RGS9: variants seen among roughly 807,000 people sequenced by gnomAD.
The protein encoded by RGS9 is regulator of G-protein signalling 9.
In RGS9, 78 loss-of-function variants were observed where a neutral mutation model predicts 102.0. The ratio of observed to expected loss-of-function variants is 0.76; its 90% CI spans 0.64 to 0.92. The LOEUF (loss-of-function observed/expected upper bound fraction) is 0.92, where lower values mean the gene tolerates loss of function less well. Ranked by LOEUF, RGS9 falls within the 40% of genes least tolerant of loss-of-function variation. RGS9 has a pLI of 0.00. For synonymous variants in RGS9, 353 were observed against 318.6 expected, an observed-to-expected ratio of 1.11 and a Z score of -1.15; for missense variants, 833 against 866.1, an observed-to-expected ratio of 0.96 and a Z score of 0.48.
At chr17:65,163,188 T>A (rs1425387310) in intron 7 of RGS9, 99 bp downstream of exon 7, 3 of 598,242 alleles carry the variant, frequency 5.0e-6, no homozygotes, top group Admixed American at 3.7e-5. Context: ...TTTTATTTTT[T>A]TTTTGAGACA....
At chr17:65,163,875 AAG>A (rs1343252468) in intron 7 of RGS9, among the ~76,000 whole-genome samples, 1 of 152,206 alleles carries the variant, frequency 6.6e-6, no homozygotes, top group Admixed American at 6.5e-5. Flanking sequence ...AGATGTTAGC[AAG>A]AGTGGATCGT....
At chr17:65,211,165 C>G (rs1258099112) in intron 17 of RGS9, among the ~76,000 whole-genome samples, 2 of 152,226 alleles carry the variant, frequency 1.3e-5, no homozygotes, top group African/African-American at 4.8e-5. Context: ...TCCTATCTCT[C>G]TAATTTAGAC....
chr17:65,185,840 C>A (rs889952422), intron 9 of RGS9, among the ~76,000 whole-genome samples: 2 of 152,132 alleles, frequency 1.3e-5, no homozygotes, highest in African/African-American at 4.8e-5. Flanking sequence ...AAAGGGAGAC[C>A]CCCTAGAGGC....
chr17:65,200,754 AT>A (rs201250180), intron 13 of RGS9, among the ~76,000 whole-genome samples: 6 of 151,642 alleles, frequency 4.0e-5, no homozygotes, highest in Non-Finnish European at 8.8e-5. Context: ...TTATAGGTGG[AT>A]TTTTTTTTCA....
rs577908214 is a variant in RGS9 at position 65,204,068 on chromosome 17, C to T, written c.1065-95C>T. The T allele has an allele frequency of 1.2e-3, 1,721 of 1,464,362 alleles. 6 individuals carry two copies. The highest frequency in any genetic ancestry group is 1.9e-3 in the Middle Eastern group (8 of 4,136). 90.7% of individuals were successfully genotyped at this position (1,464,362 alleles called of 1,614,324 possible). A position where few individuals can be genotyped will look rare whatever the true frequency, so the allele number is the denominator to read the frequency against. On this transcript the variant is annotated intron_variant, in intron 14 of 18. Coordinates refer to ENST00000262406, the MANE Select transcript of RGS9 (RefSeq NM_003835.4). ...AACCACCACCCTCACCCTCGGTAAC[C>T]GATTCGTATCAGTCCTTCCCTCCCA... is the stretch of plus-strand genomic sequence containing the variant.
intron 9 of RGS9, among the ~76,000 whole-genome samples, chr17:65,179,347 G>A (rs1315992111): frequency 6.6e-6 from 1 of 152,182 alleles, no homozygotes; most frequent in Non-Finnish European, 1.5e-5. Flanking sequence ...GGCACAGTCA[G>A]CCTTAACTCA....
intron 17 of RGS9, among the ~76,000 whole-genome samples, chr17:65,219,938 A>G (rs1442420445): frequency 6.6e-6 from 1 of 151,808 alleles, no homozygotes; most frequent in Non-Finnish European, 1.5e-5. Flanking sequence ...TATTATTATC[A>G]TCACCGCCAT....
chr17:65,227,336 G>C lies in RGS9; in HGVS notation c.1954G>C (p.Asp652His). The change falls in exon 19 of 19, where the codon GAT becomes CAT. Residue 652 changes from aspartate to histidine, a missense_variant. Coordinates refer to ENST00000262406, the MANE Select transcript of RGS9 (RefSeq NM_003835.4). Reference protein sequence around the residue: ...GSGTCLMDSEDAGTGESGDRA... With the variant: ...GSGTCLMDSEHAGTGESGDRA... ...CGGGACCTGCTTGATGGACTCGGAG[G>C]ATGCTGGAACAGGAGAGTCGGGTGA... The C allele has an allele frequency of 1.2e-6, 2 of 1,614,222 alleles. No individual in the cohort carries two copies. Among genetic ancestry groups the C allele is most frequent in the Non-Finnish European group, 1.7e-6 (2 of 1,180,050 alleles).
rs755293807 is a variant in RGS9 at position 65,227,634 on chromosome 17, C to T, written c.*227C>T. On this transcript the variant is annotated 3_prime_UTR_variant, in exon 19 of 19. Coordinates refer to ENST00000262406, the MANE Select transcript of RGS9 (RefSeq NM_003835.4). The stretch of plus-strand genomic sequence containing the variant: ...CCCTCCCTCCCCTGGGCAGAAGAAA[C>T]GCATGTGGACCAGAAGACTTTCCCT... 4.1e-5 allele frequency: 24 copies of T among 586,702 alleles called. No homozygotes were observed. The highest frequency in any genetic ancestry group is 4.7e-4 in the Middle Eastern group (1 of 2,140). The allele number at this position is 586,702 out of a possible 1,614,324, so 36.3% of individuals were successfully genotyped here.
chr17:65,157,544 C>T (rs1910812200), intron 2 of RGS9, among the ~76,000 whole-genome samples: 1 of 151,898 alleles, frequency 6.6e-6, no homozygotes, highest in Non-Finnish European at 1.5e-5. Context: ...CTGAGCCCGC[C>T]TCTCCTGCTG....
At chr17:65,161,995 G>A (rs1911004036) in intron 6 of RGS9, among the ~76,000 whole-genome samples, 1 of 152,112 alleles carries the variant, frequency 6.6e-6, no homozygotes, top group African/African-American at 2.4e-5. Flanking sequence ...ACCATGCTAG[G>A]CCACGTGTTT....
At chr17:65,167,976 G>A (rs1162540370) in intron 7 of RGS9, among the ~76,000 whole-genome samples, 4 of 152,176 alleles carry the variant, frequency 2.6e-5, no homozygotes, top group Non-Finnish European at 4.4e-5. Context: ...AAAGGCCACC[G>A]GGAGGATGAA....
chr17:65,221,358 T>C (rs1913701040), intron 17 of RGS9, among the ~76,000 whole-genome samples: 1 of 152,210 alleles, frequency 6.6e-6, no homozygotes, highest in African/African-American at 2.4e-5. Context: ...AGTTGTCTTA[T>C]CTGTATAGTG....
chr17:65,226,560 G>T (rs1905689131), intron 18 of RGS9, among the ~76,000 whole-genome samples: 1 of 151,950 alleles, frequency 6.6e-6, no homozygotes. Flanking sequence ...GACTTTAAAA[G>T]GCTCTCTTCT....
chr17:65,223,547 A>C (rs1905458049), intron 17 of RGS9, among the ~76,000 whole-genome samples: 2 of 152,112 alleles, frequency 1.3e-5, no homozygotes, highest in Non-Finnish European at 2.9e-5. Context: ...AAGCCAGGCC[A>C]CCCTCTGCAG....
chr17:65,160,450 G>A lies in RGS9; in HGVS notation c.313-86G>A, dbSNP rs1021166198. 6 of 1,580,768 alleles carry A rather than the reference G, an allele frequency of 3.8e-6. No individual in the cohort carries two copies. The African/African-American group carries it at 5.4e-5, about 14-fold the overall frequency. On this transcript the variant is annotated intron_variant, in intron 4 of 18. Coordinates refer to ENST00000262406, the MANE Select transcript of RGS9 (RefSeq NM_003835.4). ...TTCAGAAATGGTGGAGGGGGCCAAG[G>A]TGGTTGGATTTCTTTAGTCACAGGG...
Position 65,162,073 on chromosome 17 carries a change from A to T in RGS9, c.424-940A>T, listed in dbSNP as rs373142475. Among the ~76,000 whole-genome samples, 5 of 152,122 alleles carry T rather than the reference A, an allele frequency of 3.3e-5. 1 individual carries two copies. The highest frequency in any genetic ancestry group is 1.2e-4 in the African/African-American group (5 of 41,512). On this transcript the variant is annotated intron_variant, in intron 6 of 18. Coordinates refer to ENST00000262406, the MANE Select transcript of RGS9 (RefSeq NM_003835.4). Reference sequence around the variant, plus strand: ...GTTTTATCTTAGGGTTTATTTTGTGAATTTGTGATGCTCTGTTGTTGAATA... The same window carrying T: ...GTTTTATCTTAGGGTTTATTTTGTGTATTTGTGATGCTCTGTTGTTGAATA...
At chr17:65,160,360 T>TG (rs758073378) in intron 4 of RGS9, 21 bp downstream of exon 4, 2 of 1,590,686 alleles carry the variant, frequency 1.3e-6, no homozygotes, top group East Asian at 4.5e-5. Flanking sequence ...GCCTTGACCC[T>TG]GGCTGTTCAT....
At chr17:65,155,302 G>T (rs994640716) in intron 2 of RGS9, among the ~76,000 whole-genome samples, 3 of 152,184 alleles carry the variant, frequency 2.0e-5, no homozygotes, top group Non-Finnish European at 1.5e-5. Flanking sequence ...ATTTTGGCCT[G>T]AATTCTCTAC....
Sources: gnomAD v4.1 joint callset for allele counts (sites outside exome capture counted in the v4.1 genomes callset) on GRCh38, gnomAD v4.1.1 for gene constraint, MANE v1.5 for transcripts, NCBI Gene and HGNC (gene_info 2026-07-23, HGNC 2026-07-21) for gene names.